MEGF11: variants seen among roughly 807,000 people sequenced by gnomAD.
MEGF11 encodes the protein multiple EGF like domains 11.
Under a neutral mutation model 146.6 loss-of-function variants are expected in MEGF11, and 126 were observed. That is an observed-to-expected ratio of 0.86 (90% CI 0.74 to 1.00). The LOEUF (loss-of-function observed/expected upper bound fraction) is 1.00. Ranked by LOEUF, MEGF11 falls within the 50% of genes least tolerant of loss-of-function variation. MEGF11 has a pLI of 0.00. For missense variants in MEGF11, 1,509 were observed against 1,521.2 expected, an observed-to-expected ratio of 0.99 and a Z score of 0.13; for synonymous variants, 532 against 583.4, an observed-to-expected ratio of 0.91 and a Z score of 1.27.
intron 5 of MEGF11, among the ~76,000 whole-genome samples, chr15:66,019,477 C>T (rs1314406431): frequency 6.6e-6 from 1 of 152,210 alleles, no homozygotes; most frequent in South Asian, 2.1e-4. Flanking sequence ...GCCCCTCCTG[C>T]GGCTGCCTTG....
rs112209878 is a variant in MEGF11, at chr15:66,063,879, T to G, written c.394+30523A>C. 5.8e-3 allele frequency among the ~76,000 whole-genome samples: 890 copies of G among 152,328 alleles called. 12 individuals carry two copies. The highest frequency in any genetic ancestry group is 0.019 in the African/African-American group (794 of 41,560). On this transcript the variant is annotated intron_variant, in intron 5 of 25. Transcript: ENST00000395614. ...GCATGTACTTCTTAAGTGAAGCTTG[T>G]GATTGGGTATGACTATCCTTACTTT...
chr15:66,130,596 GA>G (rs1300995488), intron 1 of MEGF11, among the ~76,000 whole-genome samples: 2 of 145,938 alleles, frequency 1.4e-5, no homozygotes, highest in Non-Finnish European at 3.0e-5. Context: ...CTCATGAAAA[GA>G]AAGAGAGAGA....
chr15:65,999,154 C>T (rs2082284920), intron 5 of MEGF11, among the ~76,000 whole-genome samples: 1 of 151,932 alleles, frequency 6.6e-6, no homozygotes, highest in African/African-American at 2.4e-5. Context: ...ATGTGATCCT[C>T]CTGAGTAGCT....
intron 1 of MEGF11, among the ~76,000 whole-genome samples, chr15:66,196,365 G>A (rs974504410): frequency 6.6e-6 from 1 of 151,922 alleles, no homozygotes; most frequent in South Asian, 2.1e-4. Context: ...CCAGCTACTC[G>A]AGAGGCTGAG....
In MEGF11 at chr15:65,982,265, G is replaced by T. The variant is rs1007799325; in HGVS notation, c.618C>A (p.Cys206Ter). The T allele has an allele frequency of 3.2e-6, 5 of 1,541,032 alleles. No individual in the cohort carries two copies. The highest frequency in any genetic ancestry group is 2.6e-6 in the Non-Finnish European group (3 of 1,145,562). ...ACTAGACGCCGGTGTAGCCAGGTGC[G>T]CAGAGGCACTCGCCGGCGCGGGGGT... The part of the protein sequence containing the change: ...SCDPRAGECL[C>*]APGYTGVYCE... Residue 206 changes from cysteine (C) to a stop codon, truncating the protein, a stop_gained, in exon 6 of 26, where the codon TGC becomes TGA. Coordinates refer to ENST00000395614, the MANE Select transcript of MEGF11 (RefSeq NM_001385028.1). LOFTEE classifies it high-confidence loss of function. The surrounding 1 kb of genome is among the most constrained non-coding windows in gnomAD (Gnocchi z 5.6).
intron 15 of MEGF11, among the ~76,000 whole-genome samples, chr15:65,918,769 G>C (rs2079082673): frequency 6.6e-6 from 1 of 152,208 alleles, no homozygotes; most frequent in Non-Finnish European, 1.5e-5. Flanking sequence ...TCACTGCTTG[G>C]TCCCTGGAGG....
intron 1 of MEGF11, among the ~76,000 whole-genome samples, chr15:66,153,001 T>A (rs2089626184): frequency 6.6e-6 from 1 of 152,070 alleles, no homozygotes. Context: ...CTCCTTCCCT[T>A]CTCCTCCAGG....
At chr15:66,107,012 G>A (rs776941800) in intron 4 of MEGF11, among the ~76,000 whole-genome samples, 26 of 151,816 alleles carry the variant, frequency 1.7e-4, no homozygotes, top group Non-Finnish European at 3.2e-4. Context: ...TTCTAACTTC[G>A]TGATAGGGGT....
intron 4 of MEGF11, among the ~76,000 whole-genome samples, chr15:66,107,490 G>A (rs146728065): frequency 8.5e-4 from 130 of 152,280 alleles, no homozygotes; most frequent in Non-Finnish European, 1.6e-3. Flanking sequence ...GCTGCCCTAC[G>A]TCCTGGAAGC....
intron 7 of MEGF11, among the ~76,000 whole-genome samples, chr15:65,972,632 C>G (rs2081330685): frequency 6.6e-6 from 1 of 152,064 alleles, no homozygotes; most frequent in African/African-American, 2.4e-5. Context: ...TAACTGGAAG[C>G]CAGAAGACAA....
In MEGF11 at chr15:66,240,848, C is replaced by T. The variant is rs570819977; in HGVS notation, c.-9+12757G>A. Among the ~76,000 whole-genome samples, 27 of 152,242 alleles carry T rather than the reference C, an allele frequency of 1.8e-4. No individual in the cohort carries two copies. In the South Asian group the frequency reaches 3.5e-3, roughly 20 times the overall value. On this transcript the variant is annotated intron_variant, in intron 1 of 25. Transcript: ENST00000395614. The stretch of plus-strand genomic sequence containing the variant: ...CTGGGGAAGCTTTTTGGGTACAGCC[C>T]TCCTGGGGAAGCTTTTTGGATTTGT...
intron 1 of MEGF11, among the ~76,000 whole-genome samples, chr15:66,183,749 TG>T (rs1435097015): frequency 6.6e-5 from 10 of 152,042 alleles, no homozygotes; most frequent in Non-Finnish European, 1.0e-4. Flanking sequence ...ATGCAGATTC[TG>T]AGTCAGGAGG....
intron 1 of MEGF11, among the ~76,000 whole-genome samples, chr15:66,204,083 A>AG (rs902789539): frequency 1.2e-4 from 17 of 138,528 alleles, no homozygotes; most frequent in African/African-American, 3.0e-4. Context: ...TCTCTATTAA[A>AG]GGGGGAAAAA....
At chr15:66,097,708 A>G (rs1490460500) in intron 4 of MEGF11, among the ~76,000 whole-genome samples, 1 of 145,628 alleles carries the variant, frequency 6.9e-6, no homozygotes, top group Non-Finnish European at 1.5e-5. Context: ...CTGACCTCCC[A>G]GTGTGCTAGA....
intron 5 of MEGF11, among the ~76,000 whole-genome samples, chr15:66,011,606 T>C (rs933711218): frequency 6.6e-6 from 1 of 151,958 alleles, no homozygotes; most frequent in African/African-American, 2.4e-5. Flanking sequence ...CCCTTCCCCA[T>C]CTGAAGTGGA....
chr15:65,976,406 C>CT (rs1268313914), intron 7 of MEGF11, among the ~76,000 whole-genome samples: 2 of 152,260 alleles, frequency 1.3e-5, no homozygotes, highest in African/African-American at 4.8e-5. Flanking sequence ...GAAACAGGAC[C>CT]TTTACATAGG....
chr15:66,176,465 A>C (rs1218958253), intron 1 of MEGF11, among the ~76,000 whole-genome samples: 1 of 152,198 alleles, frequency 6.6e-6, no homozygotes, highest in Non-Finnish European at 1.5e-5. Context: ...TCTTTCATAC[A>C]GTAGCCTTAT....
chr15:66,219,823 T>G (rs2091686544), intron 1 of MEGF11, among the ~76,000 whole-genome samples: 1 of 152,220 alleles, frequency 6.6e-6, no homozygotes, highest in Non-Finnish European at 1.5e-5. Context: ...GCAGCCTTAT[T>G]TATAATAGCC....
chr15:65,988,535 C>T (rs1354476287), intron 5 of MEGF11, among the ~76,000 whole-genome samples: 1 of 152,166 alleles, frequency 6.6e-6, no homozygotes, highest in East Asian at 1.9e-4. Flanking sequence ...CTGAGTTGTT[C>T]CACCTTTTGG....
Sources: allele counts gnomAD v4.1 joint callset (sites outside exome capture counted in the v4.1 genomes callset), GRCh38; gene constraint gnomAD v4.1.1; non-coding constraint Gnocchi (gnomAD v3.1); transcripts MANE v1.5; gene names NCBI Gene and HGNC (gene_info 2026-07-23, HGNC 2026-07-21).